Variants in MSI2 observed in about 807,000 individuals in gnomAD.
The protein encoded by MSI2 is musashi RNA binding protein 2, also known as RNA-binding protein Musashi homolog 2.
MSI2 carries 17 observed loss-of-function variants against 45.6 expected under a neutral mutation model. That is an observed-to-expected ratio of 0.37 (90% CI 0.26 to 0.56). The LOEUF (loss-of-function observed/expected upper bound fraction) is 0.56. Among genes scored for constraint, MSI2 ranks in the 20% least tolerant of loss-of-function variants. MSI2 has a pLI of 0.77. For missense variants in MSI2, 293 were observed against 444.2 expected (o/e 0.66, Z 3.06); for synonymous variants, 156 against 158.2 (o/e 0.99, Z 0.11).
intron 7 of MSI2, among the ~76,000 whole-genome samples, chr17:57,575,200 A>G (rs902727917): frequency 1.8e-5 from 2 of 110,440 alleles, no homozygotes; most frequent in African/African-American, 7.1e-5. Context: ...GGCTGGTCCC[A>G]TCCCCTCCAC....
chr17:57,467,870 TC>T (rs1396190860), intron 6 of MSI2, among the ~76,000 whole-genome samples: 3 of 107,556 alleles, frequency 2.8e-5, no homozygotes. Context: ...CTTCTGTCAT[TC>T]CCCCTCTCCT....
At chr17:57,528,169 G>A (rs2086745022) in intron 6 of MSI2, among the ~76,000 whole-genome samples, 1 of 152,102 alleles carries the variant, frequency 6.6e-6, no homozygotes, top group Non-Finnish European at 1.5e-5. Flanking sequence ...AATGAAGAGA[G>A]TAGGCTGCAC....
chr17:57,686,702 C>G (rs924845638), downstream of MSI2, among the ~76,000 whole-genome samples: 4 of 152,138 alleles, frequency 2.6e-5, no homozygotes, highest in Non-Finnish European at 5.9e-5. Flanking sequence ...TAAGAAGATA[C>G]AGTGGCAGTA....
At chr17:57,335,932 C>T (rs72830858) in intron 5 of MSI2, among the ~76,000 whole-genome samples, 1,816 of 152,270 alleles carry the variant, frequency 0.012, 15 homozygotes, top group Non-Finnish European at 0.018. Context: ...AAGATCAGAT[C>T]CTGTAAGACT....
the MSI2 span, among the ~76,000 whole-genome samples, chr17:57,701,257 G>T: frequency 3.3e-4 from 51 of 152,328 alleles, no homozygotes; most frequent in South Asian, 0.011. Flanking sequence ...AAGCCCGCAT[G>T]CTTTGCTGTG....
intron 5 of MSI2, among the ~76,000 whole-genome samples, chr17:57,344,309 T>A (rs1217605726): frequency 6.6e-6 from 1 of 152,258 alleles, no homozygotes; most frequent in Non-Finnish European, 1.5e-5. Flanking sequence ...CAATGGCTTA[T>A]AATCATTACT....
chr17:57,561,313 G>A (rs2087568733), intron 7 of MSI2, among the ~76,000 whole-genome samples: 1 of 152,170 alleles, frequency 6.6e-6, no homozygotes, highest in Non-Finnish European at 1.5e-5. Flanking sequence ...CACACTGTAT[G>A]TGCAGTTGCG....
intron 5 of MSI2, among the ~76,000 whole-genome samples, chr17:57,376,314 G>A (rs1982269): frequency 0.53 from 81,062 of 152,034 alleles, 22,355 homozygotes; most frequent in Middle Eastern, 0.68. Flanking sequence ...AAGGGATGAA[G>A]AGTCTTGCTC....
intron 7 of MSI2, among the ~76,000 whole-genome samples, chr17:57,583,943 G>C (rs1009332671): frequency 6.6e-6 from 1 of 152,216 alleles, no homozygotes; most frequent in African/African-American, 2.4e-5. Flanking sequence ...CAGTGTTCTA[G>C]ACTGATGCAT....
At chr17:57,690,474 C>G in the MSI2 span, among the ~76,000 whole-genome samples, 1 of 151,594 alleles carries the variant, frequency 6.6e-6, no homozygotes, top group African/African-American at 2.4e-5. Context: ...CAAAAATTAG[C>G]TGGTCATTGC....
intron 5 of MSI2, among the ~76,000 whole-genome samples, chr17:57,322,331 G>T (rs1436269794): frequency 1.3e-5 from 2 of 152,108 alleles, no homozygotes; most frequent in African/African-American, 2.4e-5. Context: ...TTGTGGTCAG[G>T]GTTTGGTTCT....
chr17:57,316,534 C>T (rs572668892), intron 5 of MSI2, among the ~76,000 whole-genome samples: 1 of 152,258 alleles, frequency 6.6e-6, no homozygotes, highest in East Asian at 1.9e-4. Flanking sequence ...CTATGTTGTC[C>T]AGGCTGGTCG....
chr17:57,318,196 G>A (rs28585599), intron 5 of MSI2, among the ~76,000 whole-genome samples: 12 of 124,324 alleles, frequency 9.7e-5, no homozygotes, highest in Non-Finnish European at 2.0e-5. Context: ...TGAGAAGGTG[G>A]GAAGGTGGGA....
In MSI2 at chr17:57,652,090, C is replaced by A. The variant is rs752843083; in HGVS notation, c.728-9C>A. 4.3e-6 allele frequency: 7 copies of A among 1,613,918 alleles called. No individual in the cohort carries two copies. The highest frequency in any genetic ancestry group is 5.9e-6 in the Non-Finnish European group (7 of 1,179,958). ...CTCCATGACTCAGGCTCCTCTCTCT[C>A]CTGACCAGGCTTCCCAGCAGCGGCT... On this transcript the variant is annotated splice_polypyrimidine_tract_variant and intron_variant, in intron 10 of 13. Coordinates refer to ENST00000284073, the MANE Select transcript of MSI2 (RefSeq NM_138962.4). This position sits in a 1 kb window ranked among gnomAD's most constrained non-coding sequence, Gnocchi z 4.1.
At chr17:57,623,483 G>A (rs953745617) in intron 9 of MSI2, among the ~76,000 whole-genome samples, 2 of 152,188 alleles carry the variant, frequency 1.3e-5, no homozygotes, top group Non-Finnish European at 2.9e-5. Context: ...GACTCAAAAT[G>A]AGCTCAGTGG....
chr17:57,308,782 AC>A (rs1018091210), intron 5 of MSI2, among the ~76,000 whole-genome samples: 3 of 151,706 alleles, frequency 2.0e-5, no homozygotes, highest in African/African-American at 4.8e-5. Context: ...AGAAGGTACA[AC>A]CCCCCTCATT....
chr17:57,588,808 AG>A (rs1904551452), intron 7 of MSI2, among the ~76,000 whole-genome samples: 1 of 152,234 alleles, frequency 6.6e-6, no homozygotes, highest in Non-Finnish European at 1.5e-5. Flanking sequence ...TTGTTGGACA[AG>A]GTAGGAATTG....
At chr17:57,634,324 G>A (rs139217065) in intron 10 of MSI2, among the ~76,000 whole-genome samples, 35 of 152,122 alleles carry the variant, frequency 2.3e-4, no homozygotes, top group South Asian at 6.3e-4. Flanking sequence ...AAAATAGCCC[G>A]GAGTGGTGGC....
intron 6 of MSI2, among the ~76,000 whole-genome samples, chr17:57,513,909 G>A (rs145231253): frequency 1.0e-3 from 153 of 152,204 alleles, no homozygotes; most frequent in African/African-American, 3.5e-3. Flanking sequence ...AATTAAAAAC[G>A]ACAAAAAAAG....
Sources: allele counts gnomAD v4.1 joint callset (sites outside exome capture counted in the v4.1 genomes callset), GRCh38; gene constraint gnomAD v4.1.1; non-coding constraint Gnocchi (gnomAD v3.1); transcripts MANE v1.5; gene names NCBI Gene and HGNC (gene_info 2026-07-23, HGNC 2026-07-21).